The following NDE1 variants were observed in gnomAD, a reference collection of about 807,000 sequenced individuals.
The protein encoded by NDE1 is nudE neurodevelopment protein 1.
NDE1 carries 28 observed loss-of-function variants against 43.4 expected under a neutral mutation model. The observed-to-expected ratio is 0.65, with a 90% CI of 0.48 to 0.89. The LOEUF (loss-of-function observed/expected upper bound fraction) is 0.89, where lower values mean the gene tolerates loss of function less well. Ranked by LOEUF, NDE1 falls within the 40% of genes least tolerant of loss-of-function variation. NDE1 has a pLI of 0.00. For missense variants in NDE1, 441 were observed against 434.1 expected (o/e 1.02, Z -0.14); for synonymous variants, 184 against 172.0 (o/e 1.07, Z -0.55).
At chr16:15,693,079 G>A (rs182335548) in intron 6 of NDE1, among the ~76,000 whole-genome samples, 1 of 151,042 alleles carries the variant, frequency 6.6e-6, no homozygotes, top group Non-Finnish European at 1.5e-5. Flanking sequence ...TTGGCTCACT[G>A]CAGCCTCTGC....
At chr16:15,680,030 C>G (rs35916453) in intron 4 of NDE1, among the ~76,000 whole-genome samples, 1 of 152,166 alleles carries the variant, frequency 6.6e-6, no homozygotes, top group Non-Finnish European at 1.5e-5. Context: ...CTGCCTGCCT[C>G]GGTCTCCGAA....
intron 8 of NDE1, chr16:15,703,690 G>A: frequency 2.2e-6 from 1 of 457,108 alleles, no homozygotes; most frequent in South Asian, 2.1e-5. Flanking sequence ...CTGGGCTGGA[G>A]CGTTCTTCCT....
At chr16:15,650,857 C>G (rs2036466203) in intron 1 of NDE1, among the ~76,000 whole-genome samples, 1 of 152,196 alleles carries the variant, frequency 6.6e-6, no homozygotes, top group South Asian at 2.1e-4. Flanking sequence ...CCCCTGCAGG[C>G]CTCTTTCCAA....
rs16967500 is a variant in NDE1, at chr16:15,725,550, A to G, written c.*1299A>G. 18,397 of 411,324 alleles carry G rather than the reference A, an allele frequency of 0.045. 1,306 individuals carry two copies. Among genetic ancestry groups the G allele is most frequent in the African/African-American group, 0.22 (10,721 of 48,762 alleles). The allele number at this position is 411,324 out of a possible 1,614,324, so 25.5% of individuals were successfully genotyped here. On this transcript the variant is annotated 3_prime_UTR_variant, in exon 9 of 9. Transcript: ENST00000396354. ...GGCTTTTACTCCCTAGTGTCTCTGC[A>G]TAAGTCCCTTTGAGGCTGTTAGCCT...
rs1466217578 is a variant in NDE1, at chr16:15,650,277, C to G, written c.-61C>G. On this transcript the variant is annotated 5_prime_UTR_variant, in exon 1 of 9. Transcript: ENST00000396354. ...CCTCTGCCGCCGCCGCCGCGTTGGC[C>G]TCGCCGCCCCTGCTCGGGTAAGTGA... 1 of 314,778 alleles carries G rather than the reference C, an allele frequency of 3.2e-6. No individual in the cohort carries two copies. Among genetic ancestry groups the G allele is most frequent in the African/African-American group, 2.3e-5 (1 of 44,298 alleles). 19.5% of individuals were successfully genotyped at this position (314,778 alleles called of 1,614,324 possible).
chr16:15,691,201 C>G lies in NDE1; in HGVS notation c.581C>G (p.Pro194Arg), dbSNP rs777206678. The change falls in exon 6 of 9, where the codon CCC becomes CGC. Residue 194 changes from proline to arginine, a missense_variant. Physicochemically the swap from Pro to Arg is moderately radical, Grantham distance 103. Coordinates refer to ENST00000396354, the MANE Select transcript of NDE1 (RefSeq NM_017668.3). ...QKQEKPRTPM[P>R]SSVEAERTDT... ...CAGGAGAAACCCAGGACCCCCATGC[C>G]CAGCTCAGTGGAAGCTGAGAGGACA... The G allele has an allele frequency of 1.2e-6, 2 of 1,614,134 alleles. No homozygotes were observed. Among genetic ancestry groups the G allele is most frequent in the Admixed American group, 3.3e-5 (2 of 60,000 alleles).
In NDE1 at chr16:15,696,646, G is replaced by C. The variant is rs2039026803; in HGVS notation, c.796-63G>C. ...GTCTGGGGTTCGTTCTTCTGTACAG[G>C]CTCTGGTAAGACAGAATAGTCCTTG... On this transcript the variant is annotated intron_variant, in intron 7 of 8. Transcript: ENST00000396354. The C allele has an allele frequency of 5.0e-6, 8 of 1,613,000 alleles. No homozygotes were observed. In the South Asian group the frequency reaches 8.8e-5, roughly 18 times the overall value.
rs143143705 is a variant in NDE1, at chr16:15,677,422, C to T, written c.238-379C>T. On this transcript the variant is annotated intron_variant, in intron 3 of 8. Coordinates refer to ENST00000396354, the MANE Select transcript of NDE1 (RefSeq NM_017668.3). ...CCAACGTGGTAAAACCCGGTCTCTA[C>T]TAAAAATACAAAAATTAGCCACTAT... Among the ~76,000 whole-genome samples the T allele has an allele frequency of 6.8e-4, 103 of 152,152 alleles. 1 individual carries two copies. Among genetic ancestry groups the T allele is most frequent in the Admixed American group, 6.2e-3 (94 of 15,258 alleles).
intron 1 of NDE1, among the ~76,000 whole-genome samples, chr16:15,664,340 C>G (rs1486878767): frequency 2.6e-5 from 4 of 151,848 alleles, no homozygotes; most frequent in Non-Finnish European, 5.9e-5. Flanking sequence ...ATCATTTAAC[C>G]CAGCATAAAG....
intron 4 of NDE1, among the ~76,000 whole-genome samples, chr16:15,679,087 C>T (rs2038039308): frequency 6.6e-6 from 1 of 152,012 alleles, no homozygotes; most frequent in South Asian, 2.1e-4. Flanking sequence ...AAAAACAAAA[C>T]AAAACAAAAA....
intron 8 of NDE1, chr16:15,717,928 C>T: frequency 5.9e-6 from 2 of 337,630 alleles, no homozygotes; most frequent in East Asian, 7.0e-5. Context: ...CTGCAGGTTA[C>T]TGGATGGTCC....
At chr16:15,684,139 G>A (rs1250956352) in intron 4 of NDE1, 1 of 152,204 alleles carries the variant, frequency 6.6e-6, no homozygotes, top group African/African-American at 2.4e-5. Flanking sequence ...ACTGAGGCAG[G>A]AGAATCGCTT....
intron 1 of NDE1, among the ~76,000 whole-genome samples, chr16:15,662,303 G>T (rs1220634821): frequency 1.5e-5 from 2 of 129,584 alleles, no homozygotes; most frequent in Admixed American, 1.6e-4. Context: ...TTTTTTTTGA[G>T]ATGGAGTCTT....
rs569742251 is a variant in NDE1 at position 15,725,352 on chromosome 16, G to C, written c.*1101G>C. On this transcript the variant is annotated 3_prime_UTR_variant, in exon 9 of 9. Transcript: ENST00000396354. ...AAGCAGCAGGTCTGAGAGTCCAGAC[G>C]AGGTGCTCTGGCTGGTCCACTCTCT... is the stretch of plus-strand genomic sequence containing the variant. The C allele has an allele frequency of 1.3e-5, 7 of 559,898 alleles. No individual in the cohort carries two copies. The highest frequency in any genetic ancestry group is 2.2e-5 in the Non-Finnish European group (7 of 318,456). The allele number at this position is 559,898 out of a possible 1,614,324, so 34.7% of individuals were successfully genotyped here. A position where few individuals can be genotyped will look rare whatever the true frequency, so the allele number is the denominator to read the frequency against.
chr16:15,669,653 C>T (rs2037493289), intron 3 of NDE1, among the ~76,000 whole-genome samples: 1 of 152,130 alleles, frequency 6.6e-6, no homozygotes. Context: ...AGCCACCACG[C>T]CCGGCTAATT....
At chr16:15,690,930 C>G (rs1437873195) in intron 5 of NDE1, among the ~76,000 whole-genome samples, 1 of 152,138 alleles carries the variant, frequency 6.6e-6, no homozygotes, top group Non-Finnish European at 1.5e-5. Context: ...GCCTCATCCT[C>G]CTGAGTAGCT....
chr16:15,684,923 C>G (rs1277428844), intron 4 of NDE1, among the ~76,000 whole-genome samples: 1 of 152,206 alleles, frequency 6.6e-6, no homozygotes, highest in Non-Finnish European at 1.5e-5. Flanking sequence ...TCTGGTAGAG[C>G]TAGTTCCCTG....
intron 8 of NDE1, chr16:15,703,292 A>C (rs1427015195): frequency 4.4e-6 from 1 of 226,746 alleles, no homozygotes; most frequent in Non-Finnish European, 8.8e-6. Context: ...TGAGGTGTGG[A>C]AACCAGGAGA....
rs762274193 is a variant in NDE1, at chr16:15,696,884, T to A, written c.947+24T>A. 9.3e-6 allele frequency: 15 copies of A among 1,611,216 alleles called. No individual in the cohort carries two copies. In the South Asian group the frequency reaches 1.3e-4, roughly 14 times the overall value. On this transcript the variant is annotated intron_variant, in intron 8 of 8. Coordinates refer to ENST00000396354, the MANE Select transcript of NDE1 (RefSeq NM_017668.3). ...GGGTCAGTACCTTCTAATAAACCTC[T>A]CGCTGGCGGGGAGAACCCGCCTGCC...
Sources: allele counts gnomAD v4.1 joint callset (sites outside exome capture counted in the v4.1 genomes callset), GRCh38; gene constraint gnomAD v4.1.1; transcripts MANE v1.5; gene names NCBI Gene and HGNC (gene_info 2026-07-23, HGNC 2026-07-21).